KCNMA1: variants seen among roughly 807,000 people sequenced by gnomAD.
KCNMA1 encodes the protein potassium calcium-activated channel subfamily M alpha 1.
KCNMA1 carries 29 observed loss-of-function variants against 140.0 expected under a neutral mutation model. The observed-to-expected ratio is 0.21, with a 90% CI of 0.15 to 0.28. The LOEUF is 0.28. Among genes scored for constraint, KCNMA1 ranks in the 10% least tolerant of loss-of-function variants. The probability of loss-of-function intolerance (pLI) is 1.00; values close to 1 mark genes in which losing one functional copy is unlikely to be tolerated. For synonymous variants in KCNMA1, 612 were observed against 611.9 expected (o/e 1.00, Z 0.00); for missense variants, 880 against 1,602.2 (o/e 0.55, Z 7.70).
At chr10:77,332,685 T>C (rs892319550) in intron 2 of KCNMA1, among the ~76,000 whole-genome samples, 2 of 152,148 alleles carry the variant, frequency 1.3e-5, no homozygotes, top group Non-Finnish European at 2.9e-5. Flanking sequence ...GGTAGGGAAC[T>C]AGCAGTACAC....
At chr10:77,472,928 G>A (rs937269410) in intron 1 of KCNMA1, among the ~76,000 whole-genome samples, 5 of 152,200 alleles carry the variant, frequency 3.3e-5, no homozygotes, top group African/African-American at 4.8e-5. Context: ...TGACATTCAT[G>A]GTGGGCTCGT....
chr10:77,166,687 G>A (rs1386657650), intron 5 of KCNMA1, among the ~76,000 whole-genome samples: 1 of 151,790 alleles, frequency 6.6e-6, no homozygotes, highest in Non-Finnish European at 1.5e-5. Context: ...AAAGAAGGAG[G>A]GGAGGAGGAG....
At chr10:77,080,701 G>T (rs1487578890) in intron 12 of KCNMA1, among the ~76,000 whole-genome samples, 1 of 152,092 alleles carries the variant, frequency 6.6e-6, no homozygotes, top group Non-Finnish European at 1.5e-5. Flanking sequence ...TATTGCCTAC[G>T]TAGACATCGA....
At chr10:77,602,627 T>C (rs1288747882) in intron 1 of KCNMA1, among the ~76,000 whole-genome samples, 1 of 152,152 alleles carries the variant, frequency 6.6e-6, no homozygotes, top group Non-Finnish European at 1.5e-5. Flanking sequence ...TAGGAGGTGC[T>C]TCCCTGCCCC....
intron 1 of KCNMA1, among the ~76,000 whole-genome samples, chr10:77,545,675 C>T (rs2061311770): frequency 6.6e-6 from 1 of 152,198 alleles, no homozygotes; most frequent in African/African-American, 2.4e-5. Flanking sequence ...GGGTCATGTT[C>T]CAGGAGCCCC....
In KCNMA1 at chr10:77,256,088, T is replaced by C. The variant is rs144452206; in HGVS notation, c.541-4832A>G. 2.6e-3 allele frequency among the ~76,000 whole-genome samples: 393 copies of C among 152,056 alleles called. 3 individuals carry two copies. The highest frequency in any genetic ancestry group is 9.1e-3 in the African/African-American group (376 of 41,492). On this transcript the variant is annotated intron_variant, in intron 2 of 27. Transcript: ENST00000286628. ...CATGAAAGTTCATGAAAATGGACAATAGCACAGCCAAGCATAGACTATTCC... is the reference window on the plus strand; with the variant it reads ...CATGAAAGTTCATGAAAATGGACAACAGCACAGCCAAGCATAGACTATTCC...
intron 3 of KCNMA1, among the ~76,000 whole-genome samples, chr10:77,207,743 A>G (rs563001709): frequency 3.1e-4 from 47 of 152,270 alleles, no homozygotes; most frequent in Non-Finnish European, 6.0e-4. Flanking sequence ...GATGTGATGT[A>G]TTTTGTAGAA....
chr10:77,533,948 C>G (rs1251878410), intron 1 of KCNMA1, among the ~76,000 whole-genome samples: 1 of 152,140 alleles, frequency 6.6e-6, no homozygotes, highest in Non-Finnish European at 1.5e-5. Context: ...AGGGAGAACC[C>G]TTCCCTCTCT....
intron 2 of KCNMA1, among the ~76,000 whole-genome samples, chr10:77,379,971 T>G (rs2095324671): frequency 6.6e-6 from 1 of 152,142 alleles, no homozygotes; most frequent in Non-Finnish European, 1.5e-5. Flanking sequence ...ACTCTCATAG[T>G]AGGGATATGA....
intron 2 of KCNMA1, among the ~76,000 whole-genome samples, chr10:77,399,093 A>G (rs181326440): frequency 3.2e-4 from 49 of 152,316 alleles, no homozygotes; most frequent in Non-Finnish European, 5.4e-4. Context: ...TAAGCCACCG[A>G]CTTGGCTCTG....
chr10:76,990,741 A>T (rs113879707), intron 19 of KCNMA1, among the ~76,000 whole-genome samples: 1 of 152,256 alleles, frequency 6.6e-6, no homozygotes, highest in Non-Finnish European at 1.5e-5. Flanking sequence ...TCTCAGTTGG[A>T]TACGTTACAG....
chr10:77,508,358 T>G lies in KCNMA1; in HGVS notation c.379-104335A>C, dbSNP rs1192840049. 1.1e-3 allele frequency among the ~76,000 whole-genome samples: 162 copies of G among 142,912 alleles called. 1 individual carries two copies. The highest frequency in any genetic ancestry group is 3.6e-3 in the African/African-American group (140 of 38,432). 93.8% of individuals were successfully genotyped at this position (142,912 alleles called of 152,430 possible). ...CCTGGCTATTTTTTTTTTTTTTTTG[T>G]AATTTTTGTAGAGATGGGGTTTCAT... On this transcript the variant is annotated intron_variant, in intron 1 of 27. Coordinates refer to ENST00000286628, the MANE Select transcript of KCNMA1 (RefSeq NM_001161352.2).
At chr10:77,414,952 G>A (rs1179500069) in intron 1 of KCNMA1, among the ~76,000 whole-genome samples, 2 of 152,178 alleles carry the variant, frequency 1.3e-5, no homozygotes, top group African/African-American at 4.8e-5. Context: ...CAATGTGCAA[G>A]AACAGAGATG....
chr10:77,447,502 C>T (rs908256455), intron 1 of KCNMA1, among the ~76,000 whole-genome samples: 5 of 152,238 alleles, frequency 3.3e-5, no homozygotes, highest in African/African-American at 9.6e-5. Context: ...TACTTGCTGA[C>T]GGAGCTCTTG....
chr10:77,098,575 T>TA (rs11443814), intron 9 of KCNMA1, among the ~76,000 whole-genome samples: 26,829 of 143,662 alleles, frequency 0.19, 2,608 homozygotes, highest in East Asian at 0.35. Flanking sequence ...CCCTAACCTT[T>TA]AAAAAAAAAA....
intron 2 of KCNMA1, among the ~76,000 whole-genome samples, chr10:77,372,200 T>C (rs540669015): frequency 6.6e-6 from 1 of 152,250 alleles, no homozygotes; most frequent in African/African-American, 2.4e-5. Context: ...TCCACTTCCC[T>C]TGTTCCCCTC....
intron 1 of KCNMA1, among the ~76,000 whole-genome samples, chr10:77,573,632 G>GAATA (rs2072694200): frequency 1.1e-5 from 1 of 91,814 alleles, no homozygotes; most frequent in Non-Finnish European, 2.3e-5. Context: ...GGAATGGAAT[G>GAATA]GAATGGAATG....
chr10:76,897,842 T>C (rs1345223167), intron 25 of KCNMA1, among the ~76,000 whole-genome samples: 1 of 151,734 alleles, frequency 6.6e-6, no homozygotes, highest in Non-Finnish European at 1.5e-5. Context: ...GAGATGATGA[T>C]GGAAATAAAG....
chr10:77,137,629 A>G (rs2098074811), intron 5 of KCNMA1, among the ~76,000 whole-genome samples: 1 of 152,080 alleles, frequency 6.6e-6, no homozygotes, highest in African/African-American at 2.4e-5. Flanking sequence ...TCTCCTTCCC[A>G]GCTGGAGAAA....
Sources: gnomAD v4.1 joint callset for allele counts (sites outside exome capture counted in the v4.1 genomes callset) on GRCh38, gnomAD v4.1.1 for gene constraint, MANE v1.5 for transcripts, NCBI Gene and HGNC (gene_info 2026-07-23, HGNC 2026-07-21) for gene names.